The following KDM4C variants were observed in gnomAD, a reference collection of about 807,000 sequenced individuals.
KDM4C encodes lysine demethylase 4C, also known as lysine-specific demethylase 4C.
KDM4C carries 81 observed loss-of-function variants against 129.3 expected under a neutral mutation model. That is an observed-to-expected ratio of 0.63 (90% CI 0.52 to 0.75). The LOEUF is 0.75. KDM4C is among the 30% of genes least tolerant of loss of function. The pLI, the probability that KDM4C is intolerant of heterozygous loss-of-function variation, is 0.00. For missense variants in KDM4C, 1,457 were observed against 1,304.0 expected, an observed-to-expected ratio of 1.12 and a Z score of -1.81; for synonymous variants, 573 against 456.1, an observed-to-expected ratio of 1.26 and a Z score of -3.26.
chr9:6,890,984 G>A (rs1023476199), intron 7 of KDM4C, among the ~76,000 whole-genome samples: 8 of 152,180 alleles, frequency 5.3e-5, no homozygotes, highest in Non-Finnish European at 1.0e-4. Flanking sequence ...GGTTTCTTTG[G>A]CACGGGACAG....
intron 7 of KDM4C, among the ~76,000 whole-genome samples, chr9:6,890,951 C>T (rs1846035070): frequency 6.6e-6 from 1 of 152,188 alleles, no homozygotes; most frequent in Non-Finnish European, 1.5e-5. Flanking sequence ...CAACTGAGCT[C>T]ATTGCAGCAG....
At chr9:7,157,481 G>C (rs549791907) in intron 19 of KDM4C, among the ~76,000 whole-genome samples, 1 of 152,130 alleles carries the variant, frequency 6.6e-6, no homozygotes, top group African/African-American at 2.4e-5. Context: ...TATGATATTG[G>C]CTGTGGGTTT....
chr9:7,027,172 A>G (rs928367412), intron 15 of KDM4C, among the ~76,000 whole-genome samples: 1 of 152,124 alleles, frequency 6.6e-6, no homozygotes, highest in African/African-American at 2.4e-5. Context: ...TAGGCATTAA[A>G]GAGTTAGGTA....
intron 19 of KDM4C, among the ~76,000 whole-genome samples, chr9:7,149,908 C>T (rs915678681): frequency 1.2e-4 from 19 of 152,144 alleles, no homozygotes; most frequent in African/African-American, 4.6e-4. Flanking sequence ...CGTATAAATT[C>T]CTTATTTAAG....
chr9:7,047,830 T>G (rs1002116163), intron 16 of KDM4C, among the ~76,000 whole-genome samples: 2 of 152,048 alleles, frequency 1.3e-5, no homozygotes, highest in African/African-American at 4.8e-5. Context: ...CAGGTACTCC[T>G]CAGTTCACCA....
chr9:6,762,507 G>A (rs1321934821), intron 1 of KDM4C, among the ~76,000 whole-genome samples: 2 of 151,720 alleles, frequency 1.3e-5, no homozygotes, highest in Non-Finnish European at 2.9e-5. Context: ...TTCTTAGGAG[G>A]TGTATCATAA....
intron 17 of KDM4C, among the ~76,000 whole-genome samples, chr9:7,082,334 G>C (rs772604351): frequency 6.6e-6 from 1 of 152,164 alleles, no homozygotes; most frequent in Non-Finnish European, 1.5e-5. Context: ...AGAATCTTTA[G>C]CAAGTGGGAT....
intron 8 of KDM4C, among the ~76,000 whole-genome samples, chr9:6,968,581 G>A (rs1831408756): frequency 6.6e-6 from 1 of 152,162 alleles, no homozygotes; most frequent in African/African-American, 2.4e-5. Flanking sequence ...AAAAGAAAAA[G>A]TAGTTGAATT....
At chr9:6,994,141 A>G (rs143914378) in intron 12 of KDM4C, among the ~76,000 whole-genome samples, 9 of 152,178 alleles carry the variant, frequency 5.9e-5, no homozygotes, top group East Asian at 1.9e-4. Context: ...ATGGTTCACA[A>G]TAGGATTTGT....
At chr9:6,773,563 G>A (rs1822347694) in intron 1 of KDM4C, among the ~76,000 whole-genome samples, 1 of 152,154 alleles carries the variant, frequency 6.6e-6, no homozygotes, top group Non-Finnish European at 1.5e-5. Flanking sequence ...CTTAGGCCAG[G>A]AGTTCGAGAC....
intron 5 of KDM4C, among the ~76,000 whole-genome samples, chr9:6,856,576 G>GTGTGTGTGTA (rs1554721127): frequency 1.5e-5 from 2 of 135,758 alleles, no homozygotes; most frequent in African/African-American, 2.8e-5. Context: ...GTGTGTGTGT[G>GTGTGTGTGTA]TGTGTATTTT....
intron 17 of KDM4C, among the ~76,000 whole-genome samples, chr9:7,052,202 C>T (rs1403524221): frequency 6.6e-6 from 1 of 152,084 alleles, no homozygotes; most frequent in East Asian, 1.9e-4. Flanking sequence ...GCAATAAAGT[C>T]TGGTAACATG....
At chr9:6,770,910 G>A (rs1221091743) in intron 1 of KDM4C, among the ~76,000 whole-genome samples, 1 of 150,720 alleles carries the variant, frequency 6.6e-6, no homozygotes, top group Non-Finnish European at 1.5e-5. Flanking sequence ...AGAGTAGCTG[G>A]GACTACAGGT....
At chr9:6,943,892 A>T (rs748464870) in intron 8 of KDM4C, among the ~76,000 whole-genome samples, 3 of 152,134 alleles carry the variant, frequency 2.0e-5, no homozygotes, top group Non-Finnish European at 4.4e-5. Flanking sequence ...GATGTTTCTC[A>T]TGCTTGCTAA....
upstream of KDM4C, among the ~76,000 whole-genome samples, chr9:6,753,641 T>A (rs962643766): frequency 1.3e-5 from 2 of 152,050 alleles, no homozygotes; most frequent in African/African-American, 4.8e-5. Context: ...AGTCCAGGAC[T>A]GAGGGGCTGT....
At chr9:6,779,056 T>G (rs1823736793) in intron 1 of KDM4C, among the ~76,000 whole-genome samples, 1 of 141,006 alleles carries the variant, frequency 7.1e-6, no homozygotes, top group African/African-American at 2.6e-5. Context: ...TGAGATGGAG[T>G]CTCGCTCTGT....
At chr9:7,005,647 C>A (rs542624098) in intron 12 of KDM4C, among the ~76,000 whole-genome samples, 1 of 152,086 alleles carries the variant, frequency 6.6e-6, no homozygotes, top group Admixed American at 6.5e-5. Context: ...CTGACTGAAC[C>A]CCCACAGACC....
At chr9:6,861,104 T>C (rs1293809279) in intron 5 of KDM4C, among the ~76,000 whole-genome samples, 1 of 152,196 alleles carries the variant, frequency 6.6e-6, no homozygotes, top group African/African-American at 2.4e-5. Context: ...AACTAACACA[T>C]CTATAATTTG....
chr9:7,105,636 G>C (rs1027787632), intron 18 of KDM4C: 11 of 350,046 alleles, frequency 3.1e-5, no homozygotes, highest in African/African-American at 2.4e-4. Context: ...TCTATTATTT[G>C]GTGAATTCCA....
Sources: allele counts gnomAD v4.1 joint callset (sites outside exome capture counted in the v4.1 genomes callset), GRCh38; gene constraint gnomAD v4.1.1; transcripts MANE v1.5; gene names NCBI Gene and HGNC (gene_info 2026-07-23, HGNC 2026-07-21).